DOK6: variants seen among roughly 807,000 people sequenced by gnomAD.
The protein encoded by DOK6 is downstream of tyrosine kinase 6.
In DOK6, 22 loss-of-function variants were observed where a neutral mutation model predicts 44.0. The observed-to-expected ratio is 0.50, with a 90% confidence interval of 0.36 to 0.71. DOK6 has a LOEUF of 0.71. DOK6 is among the 30% of genes least tolerant of loss of function. DOK6 has a pLI of 0.00. For synonymous variants in DOK6, 166 were observed against 145.5 expected (o/e 1.14, Z -1.01); for missense variants, 340 against 416.4 (o/e 0.82, Z 1.60).
At chr18:69,527,063 T>G (rs1477186610) in intron 1 of DOK6, among the ~76,000 whole-genome samples, 2 of 152,204 alleles carry the variant, frequency 1.3e-5, no homozygotes, top group African/African-American at 4.8e-5. Context: ...AGTACACATG[T>G]ACAGTGGTTT....
At chr18:69,551,778 C>T (rs1252537087) in intron 1 of DOK6, among the ~76,000 whole-genome samples, 1 of 152,094 alleles carries the variant, frequency 6.6e-6, no homozygotes, top group Non-Finnish European at 1.5e-5. Flanking sequence ...TCACTCTTAG[C>T]AAAACTGTCT....
chr18:69,773,795 A>G (rs1979959599), intron 7 of DOK6, among the ~76,000 whole-genome samples: 1 of 151,798 alleles, frequency 6.6e-6, no homozygotes, highest in Non-Finnish European at 1.5e-5. Flanking sequence ...ACACTTAAAA[A>G]TGTGTTAAGA....
chr18:69,520,875 A>G (rs1406660182), intron 1 of DOK6, among the ~76,000 whole-genome samples: 1 of 151,922 alleles, frequency 6.6e-6, no homozygotes, highest in African/African-American at 2.4e-5. Flanking sequence ...TCTATGAAAT[A>G]TTCTAGGCTC....
At chr18:69,467,196 T>C (rs1979952872) in intron 1 of DOK6, among the ~76,000 whole-genome samples, 1 of 152,170 alleles carries the variant, frequency 6.6e-6, no homozygotes, top group Admixed American at 6.5e-5. Context: ...GAATAAGTTA[T>C]GAAAACACGC....
intron 7 of DOK6, among the ~76,000 whole-genome samples, chr18:69,774,130 TG>T (rs1177974884): frequency 6.8e-5 from 1 of 14,726 alleles, no homozygotes. Context: ...GATATATATA[TG>T]AGATATATAT....
chr18:69,787,862 C>T (rs1479430870), intron 7 of DOK6, among the ~76,000 whole-genome samples: 2 of 152,186 alleles, frequency 1.3e-5, no homozygotes, highest in African/African-American at 2.4e-5. Flanking sequence ...AATTAATCTG[C>T]TTTCTCCTCC....
At chr18:69,443,625 T>C (rs1246533153) in intron 1 of DOK6, among the ~76,000 whole-genome samples, 1 of 152,138 alleles carries the variant, frequency 6.6e-6, no homozygotes, top group Non-Finnish European at 1.5e-5. Context: ...AACTCCTTAG[T>C]GTGACTTCAA....
intron 1 of DOK6, among the ~76,000 whole-genome samples, chr18:69,540,555 A>C (rs1386361981): frequency 1.3e-5 from 2 of 152,208 alleles, no homozygotes; most frequent in Non-Finnish European, 2.9e-5. Flanking sequence ...TATTTCCTCC[A>C]TAAATGCCTT....
At chr18:69,539,826 A>G (rs2144580169) in intron 1 of DOK6, among the ~76,000 whole-genome samples, 1 of 152,252 alleles carries the variant, frequency 6.6e-6, no homozygotes, top group South Asian at 2.1e-4. Flanking sequence ...CAATTTTGAT[A>G]TATATATTTT....
At chr18:69,784,132 T>C (rs1240545215) in intron 7 of DOK6, among the ~76,000 whole-genome samples, 1 of 152,124 alleles carries the variant, frequency 6.6e-6, no homozygotes, top group Non-Finnish European at 1.5e-5. Context: ...CCACAGTGAA[T>C]TGTCATTATG....
chr18:69,741,702 G>A lies in DOK6; in HGVS notation c.738+2599G>A, dbSNP rs536465911. On this transcript the variant is annotated intron_variant, in intron 6 of 7. Coordinates refer to ENST00000382713, the MANE Select transcript of DOK6 (RefSeq NM_152721.6). ...TATAGAGACGGGGTCTTACTGTGTTGCCCAGGCTGGTGTTGAACTCCTGGG... is the reference window on the plus strand; with the variant it reads ...TATAGAGACGGGGTCTTACTGTGTTACCCAGGCTGGTGTTGAACTCCTGGG... 2.0e-5 allele frequency among the ~76,000 whole-genome samples: 3 copies of A among 152,076 alleles called. No individual in the cohort carries two copies. In the South Asian group the frequency reaches 6.2e-4, roughly 32 times the overall value.
At chr18:69,661,655 AT>A (rs1985530903) in intron 3 of DOK6, 1 of 152,254 alleles carries the variant, frequency 6.6e-6, no homozygotes, top group Non-Finnish European at 1.5e-5. Context: ...ACCAGATAAT[AT>A]AAAAATGCAA....
At chr18:69,426,107 G>T (rs1465363246) in intron 1 of DOK6, among the ~76,000 whole-genome samples, 2 of 152,034 alleles carry the variant, frequency 1.3e-5, no homozygotes, top group Non-Finnish European at 1.5e-5. Flanking sequence ...ATCACAATTT[G>T]TTAAATAATC....
At chr18:69,690,211 T>C (rs898900660) in intron 4 of DOK6, among the ~76,000 whole-genome samples, 1 of 152,130 alleles carries the variant, frequency 6.6e-6, no homozygotes, top group African/African-American at 2.4e-5. Flanking sequence ...TAAGTACTGC[T>C]GATTGTTCAA....
chr18:69,727,042 C>T (rs35096005), intron 5 of DOK6, among the ~76,000 whole-genome samples: 1 of 151,984 alleles, frequency 6.6e-6, no homozygotes, highest in Non-Finnish European at 1.5e-5. Flanking sequence ...TTCTTTATAG[C>T]AACAGGGTCC....
intron 1 of DOK6, among the ~76,000 whole-genome samples, chr18:69,466,538 G>A (rs1979932500): frequency 6.6e-6 from 1 of 152,016 alleles, no homozygotes; most frequent in African/African-American, 2.4e-5. Context: ...CTAGACTTGG[G>A]ATTGCTGGAT....
intron 1 of DOK6, among the ~76,000 whole-genome samples, chr18:69,490,399 A>G (rs1980702502): frequency 6.6e-6 from 1 of 152,232 alleles, no homozygotes; most frequent in Non-Finnish European, 1.5e-5. Flanking sequence ...CTCAAAATTT[A>G]GAAAGAAAAA....
intron 7 of DOK6, among the ~76,000 whole-genome samples, chr18:69,816,393 T>C (rs941234340): frequency 1.3e-5 from 2 of 152,206 alleles, no homozygotes; most frequent in Non-Finnish European, 2.9e-5. Flanking sequence ...ATGACAGTCG[T>C]GACCACACAT....
intron 1 of DOK6, among the ~76,000 whole-genome samples, chr18:69,560,519 G>A (rs1398615130): frequency 1.3e-5 from 2 of 151,962 alleles, no homozygotes; most frequent in African/African-American, 4.8e-5. Flanking sequence ...TGTATTCAAT[G>A]GAATAAACGG....
Sources: gnomAD v4.1 joint callset for allele counts (sites outside exome capture counted in the v4.1 genomes callset) on GRCh38, gnomAD v4.1.1 for gene constraint, MANE v1.5 for transcripts, NCBI Gene and HGNC (gene_info 2026-07-23, HGNC 2026-07-21) for gene names.